Variants in APBB2 observed in about 807,000 individuals in gnomAD.
APBB2 encodes Fe65-like 1.
In APBB2, 38 loss-of-function variants were observed where a neutral mutation model predicts 82.5. The ratio of observed to expected loss-of-function variants is 0.46; its 90% CI spans 0.36 to 0.60. APBB2 has a LOEUF of 0.60. APBB2 is among the 20% of genes least tolerant of loss of function. The pLI is 0.00. For synonymous variants in APBB2, 341 were observed against 368.2 expected, an observed-to-expected ratio of 0.93 and a Z score of 0.85; for missense variants, 772 against 972.3, an observed-to-expected ratio of 0.79 and a Z score of 2.74.
intron 10 of APBB2, among the ~76,000 whole-genome samples, chr4:40,897,718 G>A (rs1774087964): frequency 6.6e-6 from 1 of 152,264 alleles, no homozygotes; most frequent in East Asian, 1.9e-4. Context: ...TCCGCCCGAG[G>A]GGCCAGCTTG....
At chr4:40,957,134 G>A (rs537805178) in intron 6 of APBB2, among the ~76,000 whole-genome samples, 85 of 152,280 alleles carry the variant, frequency 5.6e-4, no homozygotes, top group African/African-American at 1.0e-3. Flanking sequence ...CAAAGGCGGC[G>A]CAAAGCCGGG....
chr4:40,855,873 CCTTTTACTTATAA>C (rs1311669710), intron 12 of APBB2, among the ~76,000 whole-genome samples: 8 of 152,206 alleles, frequency 5.3e-5, no homozygotes, highest in African/African-American at 1.9e-4. Context: ...ATTCACACTC[CCTTTTACTTATAA>C]CTTTTACAAA....
intron 4 of APBB2, among the ~76,000 whole-genome samples, chr4:41,064,504 G>T (rs1450947482): frequency 6.6e-6 from 1 of 152,198 alleles, no homozygotes; most frequent in Non-Finnish European, 1.5e-5. Context: ...CCAAAGGAAA[G>T]CAACAAAAAC....
intron 12 of APBB2, among the ~76,000 whole-genome samples, chr4:40,886,859 C>T (rs904783888): frequency 3.9e-5 from 6 of 152,226 alleles, no homozygotes; most frequent in African/African-American, 1.4e-4. Flanking sequence ...CTCATGAAAC[C>T]CCTTGCCCCA....
At chr4:40,893,240 G>A (rs751937778) in intron 11 of APBB2, 25 bp downstream of exon 11, 92 of 1,609,140 alleles carry the variant, frequency 5.7e-5, no homozygotes, top group African/African-American at 9.4e-5. Flanking sequence ...ACAGCCTGCC[G>A]TGCATCATTC....
chr4:40,922,686 G>C (rs4861335), intron 10 of APBB2, among the ~76,000 whole-genome samples: 152,217 of 152,326 alleles, frequency 1, 76,054 homozygotes, highest in Middle Eastern at 1. Context: ...TCTCGGCTCT[G>C]TGCAACCTCT....
At chr4:40,862,407 T>C (rs1410951258) in intron 12 of APBB2, among the ~76,000 whole-genome samples, 1 of 152,210 alleles carries the variant, frequency 6.6e-6, no homozygotes, top group Non-Finnish European at 1.5e-5. Context: ...CAAAATCTCC[T>C]GAATTGAGGA....
chr4:40,908,305 C>T (rs1037627879), intron 10 of APBB2, among the ~76,000 whole-genome samples: 21 of 152,290 alleles, frequency 1.4e-4, no homozygotes, highest in African/African-American at 4.6e-4. Context: ...GCCACCTCGT[C>T]TGTGGTATTT....
At chr4:40,838,680 G>C (rs573978490) in intron 12 of APBB2, among the ~76,000 whole-genome samples, 34 of 152,110 alleles carry the variant, frequency 2.2e-4, no homozygotes, top group African/African-American at 8.2e-4. Flanking sequence ...CATTGGGCAG[G>C]CTGGTCTAGA....
At chr4:41,210,323 A>T (rs2154082152) in intron 1 of APBB2, among the ~76,000 whole-genome samples, 1 of 152,300 alleles carries the variant, frequency 6.6e-6, no homozygotes. Flanking sequence ...CTCTCATTTT[A>T]CAGATGGGAA....
At chr4:41,041,078 C>T (rs1721238624) in intron 4 of APBB2, among the ~76,000 whole-genome samples, 2 of 152,100 alleles carry the variant, frequency 1.3e-5, no homozygotes. Context: ...GACAGGGTTT[C>T]ACCGTGTTAG....
At chr4:40,907,362 TATATATATATA>T (rs1777152821) in intron 10 of APBB2, among the ~76,000 whole-genome samples, 2 of 85,822 alleles carry the variant, frequency 2.3e-5, no homozygotes, top group African/African-American at 1.4e-4. Flanking sequence ...TATATATATA[TATATATATATA>T]TATATATTTT....
intron 12 of APBB2, among the ~76,000 whole-genome samples, chr4:40,847,424 T>C (rs1757995272): frequency 6.6e-6 from 1 of 152,212 alleles, no homozygotes; most frequent in East Asian, 1.9e-4. Context: ...ATCGTGCCTC[T>C]GCACTCCTGC....
intron 10 of APBB2, among the ~76,000 whole-genome samples, chr4:40,930,454 C>CGTGT (rs988055594): frequency 9.7e-6 from 1 of 103,446 alleles, no homozygotes; most frequent in Non-Finnish European, 2.0e-5. Context: ...TGTGTGCGCG[C>CGTGT]GCGCGCGCGC....
intron 6 of APBB2, among the ~76,000 whole-genome samples, chr4:40,973,281 C>G (rs1440271453): frequency 6.6e-6 from 1 of 152,224 alleles, no homozygotes; most frequent in East Asian, 1.9e-4. Flanking sequence ...AGCTTCCTCT[C>G]TACCATGGCA....
intron 12 of APBB2, among the ~76,000 whole-genome samples, chr4:40,887,043 T>C (rs566065872): frequency 1.3e-5 from 2 of 152,190 alleles, no homozygotes; most frequent in African/African-American, 2.4e-5. Flanking sequence ...GCCTTCAGCA[T>C]AGTTGTGCGA....
intron 11 of APBB2, 73 bp from the exon 12 acceptor site, chr4:40,890,564 A>G: frequency 1.9e-6 from 3 of 1,570,992 alleles, no homozygotes; most frequent in South Asian, 2.3e-5. Context: ...GTGGCCATCT[A>G]GGAATGCCGT....
rs555817990 is a variant in APBB2, at chr4:40,895,673, T to C, written c.1255-2262A>G. Among the ~76,000 whole-genome samples the C allele has an allele frequency of 7.4e-4, 112 of 152,364 alleles. 1 individual carries two copies. The highest frequency in any genetic ancestry group is 2.6e-3 in the African/African-American group (109 of 41,596). ...CCAGGCCCTGCTCTCCAGAAAGTGC[T>C]GTGCAGCCCACTAACCTCTCTCCCA... On this transcript the variant is annotated intron_variant, in intron 10 of 17. Coordinates refer to ENST00000508593, the MANE Select transcript of APBB2 (RefSeq NM_004307.2).
intron 4 of APBB2, among the ~76,000 whole-genome samples, chr4:41,058,191 G>A (rs890632375): frequency 6.6e-6 from 1 of 151,820 alleles, no homozygotes; most frequent in Non-Finnish European, 1.5e-5. Flanking sequence ...AAGGGAAAGT[G>A]ATAGATCCAG....
Sources: gnomAD v4.1 joint callset for allele counts (sites outside exome capture counted in the v4.1 genomes callset) on GRCh38, gnomAD v4.1.1 for gene constraint, MANE v1.5 for transcripts, NCBI Gene and HGNC (gene_info 2026-07-23, HGNC 2026-07-21) for gene names.